Variants in SNTG2 observed in about 807,000 individuals in gnomAD.
SNTG2 encodes syntrophin gamma 2, also known as gamma-2-syntrophin.
SNTG2 carries 74 observed loss-of-function variants against 70.9 expected under a neutral mutation model. The observed-to-expected ratio is 1.04, with a 90% CI of 0.86 to 1.27. SNTG2 has a LOEUF of 1.27. Ranked by LOEUF, SNTG2 falls within the 50% of genes most tolerant of loss-of-function variation. The pLI is 0.00. For synonymous variants in SNTG2, 278 were observed against 273.8 expected (o/e 1.02, Z -0.15); for missense variants, 717 against 690.7 (o/e 1.04, Z -0.43).
intron 1 of SNTG2, among the ~76,000 whole-genome samples, chr2:1,000,021 C>G (rs1432869303): frequency 6.6e-6 from 1 of 151,774 alleles, no homozygotes; most frequent in Non-Finnish European, 1.5e-5. Flanking sequence ...ACAACCTGGT[C>G]CTGAATGATC....
intron 1 of SNTG2, among the ~76,000 whole-genome samples, chr2:1,070,722 C>G (rs768869931): frequency 1.3e-5 from 2 of 152,140 alleles, no homozygotes; most frequent in African/African-American, 4.8e-5. Flanking sequence ...GTTTAAGGTC[C>G]GGAAAGGAAG....
intron 1 of SNTG2, among the ~76,000 whole-genome samples, chr2:985,592 A>T (rs1045234124): frequency 3.9e-5 from 6 of 152,162 alleles, no homozygotes; most frequent in Non-Finnish European, 7.3e-5. Context: ...GGATATGCAC[A>T]GGATAATTTT....
intron 13 of SNTG2, among the ~76,000 whole-genome samples, chr2:1,263,418 T>C (rs1678553005): frequency 6.6e-6 from 1 of 152,222 alleles, no homozygotes; most frequent in Non-Finnish European, 1.5e-5. Context: ...AAGTTTATCT[T>C]TTAAATTCCC....
At chr2:1,235,043 G>A (rs569045232) in intron 9 of SNTG2, among the ~76,000 whole-genome samples, 7 of 152,356 alleles carry the variant, frequency 4.6e-5, no homozygotes, top group South Asian at 4.1e-4. Context: ...CGGTGACCAT[G>A]CGTGTCCTTC....
chr2:1,129,484 G>T (rs949199986), intron 4 of SNTG2, among the ~76,000 whole-genome samples: 1 of 152,092 alleles, frequency 6.6e-6, no homozygotes, highest in African/African-American at 2.4e-5. Context: ...GATAAATTTG[G>T]AAATTAATAA....
chr2:1,350,484 G>C (rs568968489), intron 16 of SNTG2, among the ~76,000 whole-genome samples: 1 of 152,322 alleles, frequency 6.6e-6, no homozygotes, highest in South Asian at 2.1e-4. Context: ...GTACTAATCT[G>C]TATGGTGCTT....
At chr2:997,923 A>C (rs1294996821) in intron 1 of SNTG2, among the ~76,000 whole-genome samples, 1 of 152,204 alleles carries the variant, frequency 6.6e-6, no homozygotes, top group Non-Finnish European at 1.5e-5. Context: ...CGAACAGCAC[A>C]AAGAAGCATG....
chr2:965,461 CTCCTCCTCCTTGACTTGG>C (rs1173901785), intron 1 of SNTG2, among the ~76,000 whole-genome samples: 1 of 151,140 alleles, frequency 6.6e-6, no homozygotes, highest in East Asian at 2.0e-4. Flanking sequence ...TGTTGGTTGC[CTCCTCCTCCTTGACTTGG>C]TCCTCCTCCT....
chr2:1,024,071 G>A (rs1221834057), intron 1 of SNTG2, among the ~76,000 whole-genome samples: 1 of 152,174 alleles, frequency 6.6e-6, no homozygotes, highest in Non-Finnish European at 1.5e-5. Context: ...TCCTGCTCTC[G>A]TGGAGGGGAA....
At chr2:1,289,995 A>G (rs544731910) in intron 14 of SNTG2, among the ~76,000 whole-genome samples, 1 of 152,336 alleles carries the variant, frequency 6.6e-6, no homozygotes, top group African/African-American at 2.4e-5. Context: ...GTAATATTCC[A>G]TTGTATGGAT....
intron 1 of SNTG2, among the ~76,000 whole-genome samples, chr2:1,081,875 G>A (rs1664320981): frequency 6.6e-6 from 1 of 152,278 alleles, no homozygotes; most frequent in Non-Finnish European, 1.5e-5. Context: ...GTGGATTGCA[G>A]TGGCCGGTCC....
At chr2:953,410 A>G (rs978386566) in intron 1 of SNTG2, among the ~76,000 whole-genome samples, 1 of 152,240 alleles carries the variant, frequency 6.6e-6, no homozygotes, top group African/African-American at 2.4e-5. Flanking sequence ...GAACATGCCC[A>G]TTTATGTGAT....
chr2:1,300,808 C>T (rs1299698745), intron 14 of SNTG2, among the ~76,000 whole-genome samples: 1 of 152,120 alleles, frequency 6.6e-6, no homozygotes, highest in African/African-American at 2.4e-5. Flanking sequence ...TTTAATACCA[C>T]ATTTTGTTTT....
At chr2:1,265,519 G>C (rs868601020) in intron 13 of SNTG2, among the ~76,000 whole-genome samples, 1 of 152,200 alleles carries the variant, frequency 6.6e-6, no homozygotes. Context: ...TGATCAGAGG[G>C]TCATCCTGCA....
chr2:1,278,496 A>G (rs945344905), intron 14 of SNTG2, among the ~76,000 whole-genome samples: 14 of 152,026 alleles, frequency 9.2e-5, no homozygotes, highest in Admixed American at 3.3e-4. Context: ...CTAGTGAGGT[A>G]TGTTGTTACC....
intron 13 of SNTG2, chr2:1,262,892 G>T (rs900595707): frequency 3.9e-5 from 6 of 152,432 alleles, no homozygotes; most frequent in East Asian, 1.9e-4. Flanking sequence ...GCAAGCCGCT[G>T]ACCTTGAACT....
intron 1 of SNTG2, among the ~76,000 whole-genome samples, chr2:1,005,880 T>C: frequency 1.1e-5 from 1 of 94,464 alleles, no homozygotes; most frequent in Non-Finnish European, 2.2e-5. Context: ...TATATAAACG[T>C]TGACATTGCT....
chr2:1,071,870 G>A (rs1663582971), intron 1 of SNTG2, among the ~76,000 whole-genome samples: 1 of 152,182 alleles, frequency 6.6e-6, no homozygotes, highest in African/African-American at 2.4e-5. Context: ...TGAATGGCCA[G>A]GATAGATCAA....
chr2:1,267,469 C>T lies in SNTG2; in HGVS notation c.1182C>T (p.Gly394=), dbSNP rs1678805488. The part of the protein sequence containing the change: ...QRPYCFSIVA[G]HGKSHVFNVE... Reference sequence around the variant, plus strand: ...CCTATTGCTTCAGCATCGTGGCCGGCCATGGGAAGAGCCATGTTTTCAACG... The same window carrying T: ...CCTATTGCTTCAGCATCGTGGCCGGTCATGGGAAGAGCCATGTTTTCAACG... Residue 394 remains glycine (G), a synonymous_variant, in exon 14 of 17, where the codon GGC becomes GGT. Transcript: ENST00000308624. 1 of 1,613,728 alleles carries T rather than the reference C, an allele frequency of 6.2e-7. No individual in the cohort carries two copies. Among genetic ancestry groups the T allele is most frequent in the African/African-American group, 1.3e-5 (1 of 74,918 alleles).
Sources: allele counts gnomAD v4.1 joint callset (sites outside exome capture counted in the v4.1 genomes callset), GRCh38; gene constraint gnomAD v4.1.1; transcripts MANE v1.5; gene names NCBI Gene and HGNC (gene_info 2026-07-23, HGNC 2026-07-21).